CAMTA1: variants seen among roughly 807,000 people sequenced by gnomAD.
CAMTA1 encodes the protein calmodulin binding transcription activator 1.
In CAMTA1, 27 loss-of-function variants were observed where a neutral mutation model predicts 170.9. The observed-to-expected ratio is 0.16, with a 90% CI of 0.12 to 0.22. The LOEUF is 0.22. Among genes scored for constraint, CAMTA1 ranks in the 10% least tolerant of loss-of-function variants. The probability of loss-of-function intolerance (pLI) is 1.00; values close to 1 mark genes in which losing one functional copy is unlikely to be tolerated. For missense variants in CAMTA1, 1,619 were observed against 2,217.2 expected (o/e 0.73, Z 5.42); for synonymous variants, 833 against 891.5 (o/e 0.93, Z 1.17).
chr1:7,591,092 C>T (rs185007345), intron 6 of CAMTA1, among the ~76,000 whole-genome samples: 4 of 152,150 alleles, frequency 2.6e-5, no homozygotes, highest in Non-Finnish European at 1.5e-5. Flanking sequence ...TAACCTGGGA[C>T]TAGACCCTCA....
intron 4 of CAMTA1, among the ~76,000 whole-genome samples, chr1:7,132,698 C>T (rs1645332307): frequency 6.6e-6 from 1 of 152,124 alleles, no homozygotes; most frequent in Non-Finnish European, 1.5e-5. Flanking sequence ...CAACTTCCCC[C>T]AATAATAACG....
intron 3 of CAMTA1, among the ~76,000 whole-genome samples, chr1:6,876,181 G>C (rs1669780566): frequency 6.6e-6 from 1 of 151,534 alleles, no homozygotes; most frequent in Non-Finnish European, 1.5e-5. Flanking sequence ...CTCTTTTATG[G>C]GTTTATCGTT....
intron 3 of CAMTA1, among the ~76,000 whole-genome samples, chr1:6,991,503 T>A (rs1696360412): frequency 1.3e-5 from 2 of 152,234 alleles, no homozygotes; most frequent in South Asian, 4.1e-4. Flanking sequence ...TGTTTATTAG[T>A]CATCCATATA....
chr1:7,666,414 G>T (rs2096002316), intron 9 of CAMTA1, among the ~76,000 whole-genome samples: 1 of 152,144 alleles, frequency 6.6e-6, no homozygotes, highest in Non-Finnish European at 1.5e-5. Context: ...GGCCGCCTCA[G>T]CTCCCGGGGA....
chr1:6,867,805 C>CT (rs1003605912), intron 3 of CAMTA1, among the ~76,000 whole-genome samples: 2 of 149,630 alleles, frequency 1.3e-5, no homozygotes, highest in Non-Finnish European at 3.0e-5. Flanking sequence ...CTTTTTTTTT[C>CT]TTTTTTTTCC....
chr1:7,579,711 C>G (rs2095242289), intron 6 of CAMTA1, among the ~76,000 whole-genome samples: 1 of 151,930 alleles, frequency 6.6e-6, no homozygotes, highest in African/African-American at 2.4e-5. Context: ...AGGCGCCCAC[C>G]ACCATGCCCG....
intron 3 of CAMTA1, among the ~76,000 whole-genome samples, chr1:7,070,991 AG>A (rs1638568017): frequency 6.6e-6 from 1 of 152,180 alleles, no homozygotes; most frequent in Non-Finnish European, 1.5e-5. Flanking sequence ...GGACAGTCTG[AG>A]CTTGCTCTTT....
At chr1:7,549,241 C>T (rs1485144654) in intron 6 of CAMTA1, among the ~76,000 whole-genome samples, 1 of 151,640 alleles carries the variant, frequency 6.6e-6, no homozygotes, top group Non-Finnish European at 1.5e-5. Flanking sequence ...TGCAGGGTCC[C>T]TCTTAGGGGT....
chr1:6,905,531 C>T (rs577967220), intron 3 of CAMTA1, among the ~76,000 whole-genome samples: 1 of 152,150 alleles, frequency 6.6e-6, no homozygotes, highest in East Asian at 1.9e-4. Context: ...TCTGTCTTGC[C>T]CCACCCCTGC....
intron 3 of CAMTA1, among the ~76,000 whole-genome samples, chr1:6,844,559 G>A (rs867140609): frequency 2.0e-5 from 3 of 151,088 alleles, no homozygotes; most frequent in African/African-American, 7.3e-5. Context: ...AGAGGTGCGT[G>A]CCTGTAGTCC....
intron 4 of CAMTA1, among the ~76,000 whole-genome samples, chr1:7,243,960 A>G (rs1665331573): frequency 6.6e-6 from 1 of 152,226 alleles, no homozygotes; most frequent in African/African-American, 2.4e-5. Flanking sequence ...GGCAACCTAC[A>G]GAATGGGAGA....
rs188979932 is a variant in CAMTA1, at chr1:7,602,624, T to G, written c.511-37776T>G. 3.9e-3 allele frequency among the ~76,000 whole-genome samples: 599 copies of G among 152,330 alleles called. 6 individuals are homozygous for G. Among genetic ancestry groups the G allele is most frequent in the African/African-American group, 0.013 (554 of 41,566 alleles). ...AAAACCAGCTCCTGGATTTATTGAT[T>G]TTTTGAAGGGTTTTTTGTGTCTCTA... is the stretch of plus-strand genomic sequence containing the variant. On this transcript the variant is annotated intron_variant, in intron 6 of 22. Coordinates refer to ENST00000303635, the MANE Select transcript of CAMTA1 (RefSeq NM_015215.4).
chr1:7,312,478 C>T (rs992019137), intron 5 of CAMTA1, among the ~76,000 whole-genome samples: 14 of 152,122 alleles, frequency 9.2e-5, no homozygotes, highest in Admixed American at 6.5e-4. Context: ...ATAGGAAGCT[C>T]GTGGCTCTTT....
At chr1:6,895,150 C>T (rs1244028559) in intron 3 of CAMTA1, among the ~76,000 whole-genome samples, 1 of 152,172 alleles carries the variant, frequency 6.6e-6, no homozygotes, top group Non-Finnish European at 1.5e-5. Flanking sequence ...GCAGTGTTCT[C>T]TGTCCGCTGT....
intron 6 of CAMTA1, among the ~76,000 whole-genome samples, chr1:7,512,036 G>A (rs1269723678): frequency 2.0e-5 from 3 of 152,232 alleles, no homozygotes; most frequent in African/African-American, 7.2e-5. Context: ...GCCACTCAGG[G>A]ACTGGGAGCC....
chr1:7,628,124 G>A (rs111232390), intron 6 of CAMTA1, among the ~76,000 whole-genome samples: 2,625 of 152,274 alleles, frequency 0.017, 72 homozygotes, highest in African/African-American at 0.06. Flanking sequence ...CAGTTGCATC[G>A]AGGCTTTGTG....
chr1:6,999,017 C>A (rs1268362636), intron 3 of CAMTA1, among the ~76,000 whole-genome samples: 1 of 152,164 alleles, frequency 6.6e-6, no homozygotes, highest in Non-Finnish European at 1.5e-5. Context: ...ATCATAGTCT[C>A]CAGAAGTTTT....
chr1:6,807,109 A>G (rs1301368618), intron 1 of CAMTA1: 1 of 587,942 alleles, frequency 1.7e-6, no homozygotes, highest in East Asian at 2.9e-5. Flanking sequence ...TATGTCATAA[A>G]GGGATTTGAC....
intron 3 of CAMTA1, among the ~76,000 whole-genome samples, chr1:6,917,749 T>A (rs1681127566): frequency 8.2e-6 from 1 of 122,006 alleles, no homozygotes. Context: ...GATTTGGGAG[T>A]AGAGAGGAAG....
Sources: allele counts gnomAD v4.1 joint callset (sites outside exome capture counted in the v4.1 genomes callset), GRCh38; gene constraint gnomAD v4.1.1; transcripts MANE v1.5; gene names NCBI Gene and HGNC (gene_info 2026-07-23, HGNC 2026-07-21).